The following ZNRF1 variants were observed in gnomAD, a reference collection of about 807,000 sequenced individuals.
The protein encoded by ZNRF1 is E3 ubiquitin-protein ligase ZNRF1.
A neutral mutation model predicts 18.4 loss-of-function variants in ZNRF1; 3 were observed. That is an observed-to-expected ratio of 0.16 (90% confidence interval 0.07 to 0.42). ZNRF1 has a LOEUF of 0.42. ZNRF1 is among the 10% of genes least tolerant of loss of function. ZNRF1 has a pLI of 0.99. For synonymous variants in ZNRF1, 157 were observed against 144.2 expected, an observed-to-expected ratio of 1.09 and a Z score of -0.64; for missense variants, 310 against 329.8, an observed-to-expected ratio of 0.94 and a Z score of 0.47.
At chr16:75,011,621 C>G (rs2035001531) in intron 1 of ZNRF1, among the ~76,000 whole-genome samples, 1 of 152,200 alleles carries the variant, frequency 6.6e-6, no homozygotes, top group African/African-American at 2.4e-5. Flanking sequence ...TTCCTCAACT[C>G]TGGTTAGCTA....
At chr16:75,020,980 G>C (rs1025792196) in intron 1 of ZNRF1, among the ~76,000 whole-genome samples, 7 of 152,136 alleles carry the variant, frequency 4.6e-5, no homozygotes, top group Non-Finnish European at 1.0e-4. Context: ...TTCCCAAATA[G>C]AAATCCACAG....
chr16:75,094,645 A>T (rs1020660395), intron 2 of ZNRF1, among the ~76,000 whole-genome samples: 31 of 152,174 alleles, frequency 2.0e-4, no homozygotes, highest in African/African-American at 7.2e-4. Flanking sequence ...AGTGCTTGGG[A>T]AGTTACAGCT....
Position 75,044,480 on chromosome 16 carries a change from G to A in ZNRF1, c.424+44385G>A, listed in dbSNP as rs1381233568. 3.3e-5 allele frequency among the ~76,000 whole-genome samples: 5 copies of A among 151,980 alleles called. No homozygotes were observed. In the East Asian group the frequency reaches 7.7e-4, roughly 23 times the overall value. ...GATCTCAAGTGATCTGCCTGCCTCG[G>A]CCTCCAAAAGTGCTGGGATTATAGG... On this transcript the variant is annotated intron_variant, in intron 1 of 4. Coordinates refer to ENST00000335325, the MANE Select transcript of ZNRF1 (RefSeq NM_032268.5).
intron 1 of ZNRF1, among the ~76,000 whole-genome samples, chr16:75,070,501 A>G (rs1489745414): frequency 6.6e-6 from 1 of 151,916 alleles, no homozygotes; most frequent in Non-Finnish European, 1.5e-5. Flanking sequence ...CCACATCCAC[A>G]TTTTTTTGCA....
intron 1 of ZNRF1, among the ~76,000 whole-genome samples, chr16:75,011,761 G>A (rs1487518427): frequency 1.3e-5 from 2 of 152,154 alleles, no homozygotes; most frequent in Non-Finnish European, 1.5e-5. Flanking sequence ...CAGTCATGTT[G>A]GCTGTGTTTA....
intron 1 of ZNRF1, among the ~76,000 whole-genome samples, chr16:75,010,428 G>A (rs1480520669): frequency 6.6e-6 from 1 of 152,130 alleles, no homozygotes; most frequent in Non-Finnish European, 1.5e-5. Flanking sequence ...AGTACATTTT[G>A]CTCAAAATAA....
At chr16:75,071,823 A>C (rs745588511) in intron 1 of ZNRF1, among the ~76,000 whole-genome samples, 3 of 152,134 alleles carry the variant, frequency 2.0e-5, no homozygotes, top group Non-Finnish European at 4.4e-5. Context: ...CTTTGAAACA[A>C]TAATCTCCCT....
In ZNRF1 at chr16:75,044,652, A is replaced by C. The variant is rs2035491440; in HGVS notation, c.424+44557A>C. ...TGGGATTACAGATGTGAGCCACCATACCCAGCCCAAGCTCTTGACTTTCAG... is the reference window on the plus strand; with the variant it reads ...TGGGATTACAGATGTGAGCCACCATCCCCAGCCCAAGCTCTTGACTTTCAG... On this transcript the variant is annotated intron_variant, in intron 1 of 4. Coordinates refer to ENST00000335325, the MANE Select transcript of ZNRF1 (RefSeq NM_032268.5). Among the ~76,000 whole-genome samples, 3 of 152,056 alleles carry C rather than the reference A, an allele frequency of 2.0e-5. No homozygotes were observed. The South Asian group carries it at 6.2e-4, about 32-fold the overall frequency.
intron 1 of ZNRF1, among the ~76,000 whole-genome samples, chr16:75,003,777 A>G (rs2034883428): frequency 6.6e-6 from 1 of 152,158 alleles, no homozygotes; most frequent in Non-Finnish European, 1.5e-5. Flanking sequence ...CGAGTCATTT[A>G]ACCTCAGTCA....
At position 75,072,982 on chromosome 16, in the gene ZNRF1, G is replaced by T. The variant is rs114351554; in HGVS notation, c.425-20590G>T. 8.3e-3 allele frequency among the ~76,000 whole-genome samples: 1,266 copies of T among 152,280 alleles called. 14 individuals carry two copies. The highest frequency in any genetic ancestry group is 0.028 in the African/African-American group (1,178 of 41,548). ...TCAACCGGTTATCTAGTTAGTGAAAGAAAGCATTTAAAAAATTGAGGGGCC... is the reference window on the plus strand; with the variant it reads ...TCAACCGGTTATCTAGTTAGTGAAATAAAGCATTTAAAAAATTGAGGGGCC... On this transcript the variant is annotated intron_variant, in intron 1 of 4. Transcript: ENST00000335325.
At chr16:75,092,352 C>A (rs1165662964) in intron 1 of ZNRF1, among the ~76,000 whole-genome samples, 1 of 152,016 alleles carries the variant, frequency 6.6e-6, no homozygotes, top group African/African-American at 2.4e-5. Context: ...CCATTCGAGC[C>A]CATGTTGTTT....
At chr16:75,069,766 C>A (rs1017975317) in intron 1 of ZNRF1, among the ~76,000 whole-genome samples, 1 of 152,312 alleles carries the variant, frequency 6.6e-6, no homozygotes, top group East Asian at 1.9e-4. Flanking sequence ...CAGTCCAGAT[C>A]TTCCCCCTGG....
At chr16:75,034,549 C>A (rs1410654232) in intron 1 of ZNRF1, among the ~76,000 whole-genome samples, 1 of 152,164 alleles carries the variant, frequency 6.6e-6, no homozygotes, top group African/African-American at 2.4e-5. Context: ...TTCCTTCTGC[C>A]TTTGGATATT....
intron 1 of ZNRF1, among the ~76,000 whole-genome samples, chr16:75,073,206 G>A (rs1319292304): frequency 2.0e-5 from 3 of 148,788 alleles, no homozygotes; most frequent in East Asian, 2.0e-4. Context: ...ATATGTATAC[G>A]TATCTATATA....
chr16:75,048,268 T>C (rs2035542160), intron 1 of ZNRF1, among the ~76,000 whole-genome samples: 1 of 152,178 alleles, frequency 6.6e-6, no homozygotes, highest in Non-Finnish European at 1.5e-5. Context: ...TATTCTCATA[T>C]GAACACCAGT....
At chr16:75,094,899 T>C (rs2036179912) in intron 2 of ZNRF1, among the ~76,000 whole-genome samples, 2 of 152,092 alleles carry the variant, frequency 1.3e-5, no homozygotes, top group African/African-American at 4.8e-5. Context: ...ATAGTAGTGG[T>C]TGGAAAAAGA....
chr16:75,005,229 T>C (rs1200981160), intron 1 of ZNRF1, among the ~76,000 whole-genome samples: 1 of 152,224 alleles, frequency 6.6e-6, no homozygotes, highest in Admixed American at 6.5e-5. Context: ...TTTTTAGCTC[T>C]TTATTACCAT....
intron 1 of ZNRF1, among the ~76,000 whole-genome samples, chr16:75,050,688 GA>G (rs1567478739): frequency 1.3e-5 from 2 of 151,530 alleles, no homozygotes; most frequent in Non-Finnish European, 2.9e-5. Flanking sequence ...CTAACACGGT[GA>G]AACACCGTCT....
At chr16:75,011,430 A>C (rs2034998923) in intron 1 of ZNRF1, among the ~76,000 whole-genome samples, 1 of 152,164 alleles carries the variant, frequency 6.6e-6, no homozygotes, top group Non-Finnish European at 1.5e-5. Flanking sequence ...ACAAGGTCTC[A>C]CTATGTTGCC....
Sources: gnomAD v4.1 joint callset for allele counts (sites outside exome capture counted in the v4.1 genomes callset) on GRCh38, gnomAD v4.1.1 for gene constraint, MANE v1.5 for transcripts, NCBI Gene and HGNC (gene_info 2026-07-23, HGNC 2026-07-21) for gene names.